The following OXR1 variants were observed in gnomAD, a reference collection of about 807,000 sequenced individuals.
The protein encoded by OXR1 is oxidation resistance 1.
OXR1 carries 41 observed loss-of-function variants against 104.6 expected under a neutral mutation model. The ratio of observed to expected loss-of-function variants is 0.39; its 90% confidence interval spans 0.31 to 0.51. OXR1 has a LOEUF of 0.51. Among genes scored for constraint, OXR1 ranks in the 20% least tolerant of loss-of-function variants. OXR1 has a pLI of 0.77. For synonymous variants in OXR1, 348 were observed against 348.4 expected, an observed-to-expected ratio of 1.00 and a Z score of 0.01; for missense variants, 955 against 1,031.9, an observed-to-expected ratio of 0.93 and a Z score of 1.02.
At chr8:106,626,945 A>G (rs1822221653) in intron 3 of OXR1, among the ~76,000 whole-genome samples, 1 of 152,052 alleles carries the variant, frequency 6.6e-6, no homozygotes, top group South Asian at 2.1e-4. Flanking sequence ...CGAGTCCTGA[A>G]AAATATGAAA....
intron 1 of OXR1, among the ~76,000 whole-genome samples, chr8:106,328,147 G>C (rs997772673): frequency 1.3e-5 from 2 of 152,154 alleles, no homozygotes; most frequent in African/African-American, 2.4e-5. Context: ...TCAGTCTCAG[G>C]CTTATGCGGC....
intron 4 of OXR1, among the ~76,000 whole-genome samples, 164 bp downstream of exon 4, chr8:106,679,456 C>A (rs2131212702): frequency 6.6e-6 from 1 of 151,378 alleles, no homozygotes; most frequent in South Asian, 2.1e-4. Context: ...TTGTTTTTTT[C>A]TTTAAAGAGA....
chr8:106,605,672 G>A (rs979930411), intron 3 of OXR1, among the ~76,000 whole-genome samples: 2 of 150,686 alleles, frequency 1.3e-5, no homozygotes, highest in African/African-American at 2.4e-5. Context: ...CATGGTGGGC[G>A]CCTGTAATCC....
intron 7 of OXR1, among the ~76,000 whole-genome samples, chr8:106,702,604 C>G (rs1830685254): frequency 6.6e-6 from 1 of 152,128 alleles, no homozygotes; most frequent in Admixed American, 6.5e-5. Flanking sequence ...AAAGGTGGCG[C>G]TTCTTACCTT....
chr8:106,461,107 T>G (rs1427797720), intron 2 of OXR1, among the ~76,000 whole-genome samples: 1 of 152,146 alleles, frequency 6.6e-6, no homozygotes, highest in South Asian at 2.1e-4. Context: ...AGATTTGTCC[T>G]GTATGGCCTC....
At chr8:106,656,418 T>A (rs1825079523) in intron 3 of OXR1, 1 of 152,228 alleles carries the variant, frequency 6.6e-6, no homozygotes, top group Non-Finnish European at 1.5e-5. Flanking sequence ...ATAAGGGCAC[T>A]AATCGCATTC....
intron 16 of OXR1, among the ~76,000 whole-genome samples, chr8:106,746,302 G>GTATTTCTGCA (rs71307087): frequency 6.6e-6 from 1 of 152,044 alleles, no homozygotes; most frequent in African/African-American, 2.4e-5. Flanking sequence ...ATGGAAATGG[G>GTATTTCTGCA]GTTTTTGCTT....
intron 3 of OXR1, among the ~76,000 whole-genome samples, chr8:106,594,837 C>T (rs950125800): frequency 2.0e-5 from 3 of 152,148 alleles, no homozygotes; most frequent in Admixed American, 6.5e-5. Context: ...TTACACAATG[C>T]CCCTTGTCTG....
rs1229586912 is a variant in OXR1, at chr8:106,499,006, CA to C, written c.24-19931del. On this transcript the variant is annotated intron_variant, in intron 2 of 16. Transcript: ENST00000517566. ...TGAAACCCCGTCTCTACTAAAAATA[CA>C]AAAAATTAGCCGGGCGCGGTGGCGG... 4.7e-5 allele frequency among the ~76,000 whole-genome samples: 3 copies of C among 63,908 alleles called. 1 individual carries two copies. The highest frequency in any genetic ancestry group is 2.5e-4 in the East Asian group (1 of 4,006). 41.9% of individuals were successfully genotyped at this position (63,908 alleles called of 152,430 possible). A position where few individuals can be genotyped will look rare whatever the true frequency, so the allele number is the denominator to read the frequency against.
At chr8:106,458,571 T>A (rs1237519817) in intron 2 of OXR1, among the ~76,000 whole-genome samples, 1 of 151,662 alleles carries the variant, frequency 6.6e-6, no homozygotes, top group Non-Finnish European at 1.5e-5. Flanking sequence ...GCCATGAGAG[T>A]GGGGCCACTT....
At chr8:106,581,906 C>G (rs931994026) in intron 3 of OXR1, among the ~76,000 whole-genome samples, 2 of 151,048 alleles carry the variant, frequency 1.3e-5, no homozygotes, top group Non-Finnish European at 2.9e-5. Context: ...TGCTTGTAAT[C>G]CCAGCTACTA....
At chr8:106,390,330 G>A (rs1408834615) in intron 2 of OXR1, among the ~76,000 whole-genome samples, 1 of 152,160 alleles carries the variant, frequency 6.6e-6, no homozygotes, top group Admixed American at 6.5e-5. Context: ...CCTTTCTAGA[G>A]TCTGTCTCTT....
At chr8:106,522,994 T>C (rs2130144963) in intron 3 of OXR1, among the ~76,000 whole-genome samples, 1 of 152,276 alleles carries the variant, frequency 6.6e-6, no homozygotes, top group East Asian at 1.9e-4. Flanking sequence ...ATCTGGAGTT[T>C]CAACCAGGGG....
At chr8:106,392,699 T>G (rs1817631171) in intron 2 of OXR1, among the ~76,000 whole-genome samples, 1 of 152,176 alleles carries the variant, frequency 6.6e-6, no homozygotes, top group Admixed American at 6.6e-5. Flanking sequence ...TTTTCTATAA[T>G]TTTCCTGTAA....
intron 2 of OXR1, among the ~76,000 whole-genome samples, chr8:106,397,262 G>T (rs1190424248): frequency 6.6e-6 from 1 of 152,064 alleles, no homozygotes; most frequent in Non-Finnish European, 1.5e-5. Flanking sequence ...TTAAAGCCCA[G>T]CTAATCTCTT....
intron 3 of OXR1, among the ~76,000 whole-genome samples, 158 bp downstream of exon 3, chr8:106,519,297 G>A (rs1162003727): frequency 1.3e-5 from 2 of 152,194 alleles, no homozygotes; most frequent in African/African-American, 4.8e-5. Flanking sequence ...TGAACATAAA[G>A]ATGGAAAACT....
chr8:106,556,712 G>T (rs1261423110), intron 3 of OXR1, among the ~76,000 whole-genome samples: 1 of 152,202 alleles, frequency 6.6e-6, no homozygotes, highest in Non-Finnish European at 1.5e-5. Flanking sequence ...AGCAAAAGCT[G>T]ATCAGAAGCC....
intron 2 of OXR1, among the ~76,000 whole-genome samples, chr8:106,477,143 C>G (rs1821849860): frequency 6.6e-6 from 1 of 152,006 alleles, no homozygotes; most frequent in South Asian, 2.1e-4. Flanking sequence ...GGGAGCACTT[C>G]AGCATCACTA....
intron 11 of OXR1, among the ~76,000 whole-genome samples, chr8:106,734,981 G>A (rs1834238607): frequency 6.6e-6 from 1 of 152,146 alleles, no homozygotes; most frequent in Non-Finnish European, 1.5e-5. Flanking sequence ...AGCGTGATAA[G>A]GGATATTTTG....
Sources: gnomAD v4.1 joint callset for allele counts (sites outside exome capture counted in the v4.1 genomes callset) on GRCh38, gnomAD v4.1.1 for gene constraint, MANE v1.5 for transcripts, NCBI Gene and HGNC (gene_info 2026-07-23, HGNC 2026-07-21) for gene names.